CERK: variants seen among roughly 807,000 people sequenced by gnomAD.
CERK encodes the protein ceramide kinase.
CERK carries 39 observed loss-of-function variants against 63.4 expected under a neutral mutation model. That is an observed-to-expected ratio of 0.61 (90% CI 0.48 to 0.80). The LOEUF is 0.80. CERK is among the 30% of genes least tolerant of loss of function. The pLI, the probability that CERK is intolerant of heterozygous loss-of-function variation, is 0.00. For synonymous variants in CERK, 302 were observed against 280.0 expected, an observed-to-expected ratio of 1.08 and a Z score of -0.78; for missense variants, 670 against 714.1, an observed-to-expected ratio of 0.94 and a Z score of 0.70.
chr22:46,729,666 T>C (rs765155184), intron 1 of CERK, among the ~76,000 whole-genome samples: 13 of 151,602 alleles, frequency 8.6e-5, no homozygotes, highest in Non-Finnish European at 1.5e-4. Flanking sequence ...AACCAGGAAA[T>C]GTTAACGTTC....
chr22:46,717,636 C>A (rs574927972), intron 3 of CERK, among the ~76,000 whole-genome samples: 1 of 152,194 alleles, frequency 6.6e-6, no homozygotes, highest in Non-Finnish European at 1.5e-5. Context: ...GTTTAGAAGT[C>A]GCAGCAGTGG....
At chr22:46,727,591 A>C (rs1341726954) in intron 1 of CERK, among the ~76,000 whole-genome samples, 1 of 151,820 alleles carries the variant, frequency 6.6e-6, no homozygotes, top group Admixed American at 6.6e-5. Flanking sequence ...CACTGTGCCC[A>C]GTCTTCTTAG....
At chr22:46,725,655 C>T (rs1209988963) in intron 1 of CERK, among the ~76,000 whole-genome samples, 1 of 152,268 alleles carries the variant, frequency 6.6e-6, no homozygotes, top group African/African-American at 2.4e-5. Context: ...TCTCGTGAGA[C>T]ACCACAGTGA....
At chr22:46,699,702 G>A (rs1368760429) in intron 7 of CERK, among the ~76,000 whole-genome samples, 1 of 152,236 alleles carries the variant, frequency 6.6e-6, no homozygotes, top group East Asian at 1.9e-4. Flanking sequence ...ATCCTGTGGG[G>A]ACTGAACAAG....
intron 8 of CERK, among the ~76,000 whole-genome samples, chr22:46,697,108 C>T (rs1001928188): frequency 1.3e-4 from 20 of 152,316 alleles, no homozygotes; most frequent in Admixed American, 6.5e-4. Context: ...TTTTTAATTT[C>T]ATTAAATCTT....
chr22:46,712,448 G>A (rs1328904997), intron 3 of CERK, among the ~76,000 whole-genome samples, 155 bp from the exon 4 acceptor site: 2 of 152,216 alleles, frequency 1.3e-5, no homozygotes, highest in Non-Finnish European at 2.9e-5. Flanking sequence ...ATGACAAAGA[G>A]CTTCCTGATC....
intron 12 of CERK, among the ~76,000 whole-genome samples, chr22:46,688,902 C>T (rs1055447414): frequency 1.1e-4 from 17 of 152,400 alleles, no homozygotes; most frequent in East Asian, 1.9e-4. Context: ...GTAATTTGCA[C>T]GCCCACACCT....
At chr22:46,702,231 G>A (rs1247168966) in intron 6 of CERK, among the ~76,000 whole-genome samples, 961 of 96,096 alleles carry the variant, frequency 0.01, 17 homozygotes, top group African/African-American at 0.036. Flanking sequence ...ATATGTGTGT[G>A]TGTGTGTGTG....
At chr22:46,699,978 A>G (rs1437122233) in intron 7 of CERK, among the ~76,000 whole-genome samples, 1 of 152,194 alleles carries the variant, frequency 6.6e-6, no homozygotes, top group Non-Finnish European at 1.5e-5. Flanking sequence ...AATCCCAGCT[A>G]GTGGCGAGGC....
At chr22:46,710,904 G>A (rs958436144) in intron 5 of CERK, among the ~76,000 whole-genome samples, 182 bp downstream of exon 5, 10 of 152,230 alleles carry the variant, frequency 6.6e-5, no homozygotes, top group African/African-American at 2.4e-4. Flanking sequence ...AGAGAGGAGT[G>A]TGTGACTGCA....
chr22:46,731,075 G>A (rs988831891), intron 1 of CERK, among the ~76,000 whole-genome samples: 7 of 152,274 alleles, frequency 4.6e-5, no homozygotes, highest in Admixed American at 1.3e-4. Context: ...TGCCAGGGCT[G>A]TACAGGGGAG....
chr22:46,691,884 A>C, intron 10 of CERK, 107 bp from the exon 11 acceptor site: 1 of 738,630 alleles, frequency 1.4e-6, no homozygotes, highest in Non-Finnish European at 2.2e-6. Context: ...TCATGCATTT[A>C]GCAGACACTT....
rs889372017 is a variant in CERK, at chr22:46,738,237, G to A, written c.-89C>T. On this transcript the variant is annotated 5_prime_UTR_variant, in exon 1 of 13. Coordinates refer to ENST00000216264, the MANE Select transcript of CERK (RefSeq NM_022766.6). ...AGCGGCCCCTGCAGTGGCCCGGGCG[G>A]CGGGCGGCGGGCGGCGGGAGGCGGC... is the stretch of plus-strand genomic sequence containing the variant. 10 of 660,896 alleles carry A rather than the reference G, an allele frequency of 1.5e-5. No homozygotes were observed. Among genetic ancestry groups the A allele is most frequent in the African/African-American group, 2.1e-5 (1 of 47,642 alleles). 40.9% of individuals were successfully genotyped at this position (660,896 alleles called of 1,614,324 possible). A position where few individuals can be genotyped will look rare whatever the true frequency, so the allele number is the denominator to read the frequency against.
At chr22:46,735,400 TG>T (rs1321363569) in intron 1 of CERK, 5 of 152,272 alleles carry the variant, frequency 3.3e-5, no homozygotes, top group Admixed American at 6.5e-5. Flanking sequence ...GATGACCCAC[TG>T]ACGAAAGTGC....
intron 8 of CERK, among the ~76,000 whole-genome samples, chr22:46,697,789 G>A (rs746025268): frequency 1.3e-5 from 2 of 152,246 alleles, no homozygotes; most frequent in Non-Finnish European, 2.9e-5. Flanking sequence ...ACAGGCGTGA[G>A]CCACTGCCCC....
At chr22:46,711,819 G>A (rs937990866) in intron 4 of CERK, among the ~76,000 whole-genome samples, 1 of 152,232 alleles carries the variant, frequency 6.6e-6, no homozygotes, top group East Asian at 1.9e-4. Context: ...GGGCACAGTG[G>A]CTCATGCCTA....
chr22:46,690,955 A>G (rs1240407217), intron 11 of CERK, among the ~76,000 whole-genome samples: 1 of 151,842 alleles, frequency 6.6e-6, no homozygotes, highest in East Asian at 1.9e-4. Context: ...ATATGTATGT[A>G]TGTATGTGTG....
At chr22:46,708,742 C>T (rs2082825997) in intron 5 of CERK, among the ~76,000 whole-genome samples, 1 of 152,196 alleles carries the variant, frequency 6.6e-6, no homozygotes, top group African/African-American at 2.4e-5. Context: ...AGACATGTCA[C>T]TGCAGCCCAG....
At chr22:46,737,442 CAAG>C (rs896578412) in intron 1 of CERK, among the ~76,000 whole-genome samples, 2 of 152,236 alleles carry the variant, frequency 1.3e-5, no homozygotes, top group African/African-American at 4.8e-5. Flanking sequence ...CTCTGCGGGG[CAAG>C]TAGCCAACCC....
Sources: allele counts gnomAD v4.1 joint callset (sites outside exome capture counted in the v4.1 genomes callset), GRCh38; gene constraint gnomAD v4.1.1; transcripts MANE v1.5; gene names NCBI Gene and HGNC (gene_info 2026-07-23, HGNC 2026-07-21).